Variants in CCSER1 observed in about 807,000 individuals in gnomAD.
CCSER1 encodes serine-rich coiled-coil domain-containing protein 1.
CCSER1 carries 41 observed loss-of-function variants against 82.0 expected under a neutral mutation model. The ratio of observed to expected loss-of-function variants is 0.50; its 90% CI spans 0.39 to 0.65. The LOEUF (loss-of-function observed/expected upper bound fraction) is 0.65, where lower values mean the gene tolerates loss of function less well. CCSER1 is among the 30% of genes least tolerant of loss of function. CCSER1 has a pLI of 0.00. For synonymous variants in CCSER1, 414 were observed against 383.9 expected (o/e 1.08, Z -0.92); for missense variants, 1,119 against 1,064.2 (o/e 1.05, Z -0.72).
chr4:91,491,808 TACAATG>T (rs1360925470), intron 10 of CCSER1, among the ~76,000 whole-genome samples: 3 of 152,112 alleles, frequency 2.0e-5, no homozygotes, highest in Non-Finnish European at 4.4e-5. Context: ...TGGAAATGTT[TACAATG>T]ACAATGATGA....
chr4:91,544,945 G>A (rs1193205338), intron 10 of CCSER1, among the ~76,000 whole-genome samples: 2 of 152,146 alleles, frequency 1.3e-5, no homozygotes, highest in Non-Finnish European at 2.9e-5. Context: ...TTGAGATGCG[G>A]TGGGCTCCAT....
chr4:90,669,917 GAAGGATATTTGCCAAA>G (rs1732493677), intron 6 of CCSER1, among the ~76,000 whole-genome samples: 1 of 151,980 alleles, frequency 6.6e-6, no homozygotes, highest in Non-Finnish European at 1.5e-5. Context: ...TGGCTTTTTT[GAAGGATATTTGCCAAA>G]ATGTCTAAAA....
At chr4:90,608,866 T>A (rs1217836633) in intron 5 of CCSER1, among the ~76,000 whole-genome samples, 2 of 152,148 alleles carry the variant, frequency 1.3e-5, no homozygotes, top group African/African-American at 4.8e-5. Flanking sequence ...TGTTTAGAAT[T>A]TTTAATCTGT....
chr4:90,192,214 A>C (rs1735763198), intron 1 of CCSER1, among the ~76,000 whole-genome samples: 2 of 152,026 alleles, frequency 1.3e-5, no homozygotes, highest in African/African-American at 4.8e-5. Context: ...GAGCTTGTGC[A>C]GGAAAACTCC....
At chr4:90,687,924 T>C (rs1427232222) in intron 6 of CCSER1, among the ~76,000 whole-genome samples, 1 of 152,164 alleles carries the variant, frequency 6.6e-6, no homozygotes, top group Non-Finnish European at 1.5e-5. Context: ...CTGACTCTGA[T>C]CTAACTCTGT....
intron 1 of CCSER1, among the ~76,000 whole-genome samples, chr4:90,187,472 A>G (rs1263577369): frequency 6.6e-6 from 1 of 151,328 alleles, no homozygotes; most frequent in Non-Finnish European, 1.5e-5. Flanking sequence ...TGTATCCACT[A>G]AACACTCATA....
At chr4:91,081,188 CA>C (rs1722687864) in intron 9 of CCSER1, among the ~76,000 whole-genome samples, 2 of 152,254 alleles carry the variant, frequency 1.3e-5, no homozygotes, top group East Asian at 3.9e-4. Context: ...AATTAGGCAG[CA>C]AATCAAAAAG....
chr4:90,293,433 A>G (rs1306686999), intron 1 of CCSER1, among the ~76,000 whole-genome samples: 1 of 151,510 alleles, frequency 6.6e-6, no homozygotes, highest in Non-Finnish European at 1.5e-5. Flanking sequence ...TAATTTGTTA[A>G]TATACTTTAA....
intron 8 of CCSER1, among the ~76,000 whole-genome samples, chr4:90,831,233 T>A (rs1391259107): frequency 1.3e-5 from 2 of 152,184 alleles, no homozygotes; most frequent in Non-Finnish European, 2.9e-5. Flanking sequence ...GGTTGAATAC[T>A]GAAAAAGGTA....
At chr4:91,217,273 T>C (rs1419730951) in intron 10 of CCSER1, among the ~76,000 whole-genome samples, 2 of 152,188 alleles carry the variant, frequency 1.3e-5, no homozygotes, top group African/African-American at 2.4e-5. Context: ...GCTTTCATTC[T>C]CTTATCTGGC....
chr4:90,131,246 T>C (rs893738888), intron 1 of CCSER1, among the ~76,000 whole-genome samples: 5 of 152,108 alleles, frequency 3.3e-5, no homozygotes, highest in African/African-American at 1.2e-4. Context: ...GTTGATCCAC[T>C]CTCCTCGGCC....
intron 8 of CCSER1, among the ~76,000 whole-genome samples, chr4:90,861,921 TA>T (rs1208298312): frequency 0.016 from 1,756 of 111,168 alleles, 44 homozygotes; most frequent in African/African-American, 0.045. Context: ...TATATATATA[TA>T]TATATTTTTT....
chr4:91,299,643 C>T (rs1744505671), intron 10 of CCSER1, among the ~76,000 whole-genome samples: 2 of 151,868 alleles, frequency 1.3e-5, no homozygotes, highest in Non-Finnish European at 2.9e-5. Flanking sequence ...AATAGTACTA[C>T]AAGGATATTT....
chr4:90,692,958 T>G (rs567854362), intron 6 of CCSER1, among the ~76,000 whole-genome samples: 19 of 152,010 alleles, frequency 1.2e-4, no homozygotes, highest in Non-Finnish European at 2.8e-4. Context: ...TAAAGATGTT[T>G]GTCTCTTTAT....
At chr4:91,150,354 G>A (rs537087526) in intron 10 of CCSER1, among the ~76,000 whole-genome samples, 1 of 152,146 alleles carries the variant, frequency 6.6e-6, no homozygotes, top group African/African-American at 2.4e-5. Flanking sequence ...TGCTGAAGTT[G>A]CTTATCAGCT....
chr4:91,067,432 A>G (rs537479062), intron 9 of CCSER1, among the ~76,000 whole-genome samples: 14 of 151,854 alleles, frequency 9.2e-5, no homozygotes, highest in Admixed American at 6.6e-4. Flanking sequence ...GCAAGCTTGA[A>G]ACTCCTGGGT....
At chr4:91,477,174 A>G (rs1757640304) in intron 10 of CCSER1, among the ~76,000 whole-genome samples, 1 of 151,884 alleles carries the variant, frequency 6.6e-6, no homozygotes, top group East Asian at 1.9e-4. Flanking sequence ...TTCACTCTAC[A>G]AAGGATTAAT....
At chr4:91,341,989 G>T (rs1406746674) in intron 10 of CCSER1, among the ~76,000 whole-genome samples, 1 of 152,136 alleles carries the variant, frequency 6.6e-6, no homozygotes, top group Non-Finnish European at 1.5e-5. Flanking sequence ...GTAGGAAAGG[G>T]CACAGAGTAA....
chr4:91,045,373 A>T (rs1205999107), intron 9 of CCSER1, among the ~76,000 whole-genome samples: 1 of 152,212 alleles, frequency 6.6e-6, no homozygotes, highest in Non-Finnish European at 1.5e-5. Context: ...CAAGTGTCTT[A>T]GAAAAGATTT....
Sources: allele counts gnomAD v4.1 joint callset (sites outside exome capture counted in the v4.1 genomes callset), GRCh38; gene constraint gnomAD v4.1.1; transcripts MANE v1.5; gene names NCBI Gene and HGNC (gene_info 2026-07-23, HGNC 2026-07-21).